Variants in OTOGL observed in about 807,000 individuals in gnomAD.
OTOGL encodes otogelin-like protein.
OTOGL carries 285 observed loss-of-function variants against 318.5 expected under a neutral mutation model. That is an observed-to-expected ratio of 0.89 (90% CI 0.81 to 0.99). The LOEUF (loss-of-function observed/expected upper bound fraction) is 0.99, where lower values mean the gene tolerates loss of function less well. Among genes scored for constraint, OTOGL ranks in the 50% least tolerant of loss-of-function variants. The pLI, the probability that OTOGL is intolerant of heterozygous loss-of-function variation, is 0.00. For missense variants in OTOGL, 2,899 were observed against 2,845.6 expected, an observed-to-expected ratio of 1.02 and a Z score of -0.43; for synonymous variants, 987 against 936.5, an observed-to-expected ratio of 1.05 and a Z score of -0.99.
intron 26 of OTOGL, among the ~76,000 whole-genome samples, chr12:80,286,851 A>AT (rs1338060967): frequency 2.0e-5 from 3 of 152,036 alleles, no homozygotes; most frequent in East Asian, 1.9e-4. Context: ...GGATTCATTG[A>AT]TTTTTTGAAG....
chr12:80,116,700 G>A (rs1182893175), intron 1 of OTOGL, among the ~76,000 whole-genome samples: 1 of 152,140 alleles, frequency 6.6e-6, no homozygotes, highest in Non-Finnish European at 1.5e-5. Context: ...AGAATGAGAC[G>A]AGGAAGAAAG....
Position 80,210,863 on chromosome 12 carries a change from G to T in OTOGL, c.96G>T (p.Ser32=). The T allele has an allele frequency of 6.8e-7, 1 of 1,472,612 alleles. No homozygotes were observed. Among genetic ancestry groups the T allele is most frequent in the Non-Finnish European group, 9.0e-7 (1 of 1,107,210 alleles). 91.2% of individuals were successfully genotyped at this position (1,472,612 alleles called of 1,614,324 possible). ...LFSLQEYICA[S]SILMGTSKNG... Reference sequence around the variant, plus strand: ...CTCTGGCAGAATATATTTGTGCATCGTCTATATTGATGGGAACATCAAAGT... The same window carrying T: ...CTCTGGCAGAATATATTTGTGCATCTTCTATATTGATGGGAACATCAAAGT... The change falls in exon 3 of 59, where the codon TCG becomes TCT. Residue 32 remains serine (S), a synonymous_variant. Coordinates refer to ENST00000547103, the MANE Select transcript of OTOGL (RefSeq NM_001378609.3).
chr12:80,256,414 G>A lies in OTOGL; in HGVS notation c.1665G>A (p.Arg555=). 1 of 1,591,332 alleles carries A rather than the reference G, an allele frequency of 6.3e-7. No individual in the cohort carries two copies. Among genetic ancestry groups the A allele is most frequent in the Non-Finnish European group, 8.5e-7 (1 of 1,175,618 alleles). The change falls in exon 17 of 59, where the codon AGG becomes AGA. Residue 555 remains arginine, a synonymous_variant. Coordinates refer to ENST00000547103, the MANE Select transcript of OTOGL (RefSeq NM_001378609.3). ...DDFNKQVTLG[R]GGQILTSPNQ... ...TTAACAAACAAGTGACCCTTGGTAGGGGAGGACAAATTCTCACTAGTCCTA... is the reference window on the plus strand; with the variant it reads ...TTAACAAACAAGTGACCCTTGGTAGAGGAGGACAAATTCTCACTAGTCCTA...
chr12:80,158,364 A>G (rs1432685169), intron 1 of OTOGL, among the ~76,000 whole-genome samples: 1 of 152,224 alleles, frequency 6.6e-6, no homozygotes, highest in East Asian at 1.9e-4. Context: ...ATGTGTGTAT[A>G]TAAATTCCAA....
At chr12:80,125,068 T>A (rs9668975) in intron 1 of OTOGL, among the ~76,000 whole-genome samples, 1 of 152,000 alleles carries the variant, frequency 6.6e-6, no homozygotes. Flanking sequence ...AGACTTCCAA[T>A]AGTATATTGA....
intron 11 of OTOGL, among the ~76,000 whole-genome samples, chr12:80,240,009 TA>T (rs1250329222): frequency 1.3e-5 from 2 of 152,140 alleles, no homozygotes; most frequent in African/African-American, 4.8e-5. Flanking sequence ...TTATTTCACT[TA>T]ACATAGTGAC....
In OTOGL at chr12:80,239,112, T is replaced by C. The variant is rs1394300640; in HGVS notation, c.945+134T>C. 3 of 1,159,158 alleles carry C rather than the reference T, an allele frequency of 2.6e-6. No homozygotes were observed. In the East Asian group the frequency reaches 8.4e-5, roughly 32 times the overall value. 71.8% of individuals were successfully genotyped at this position (1,159,158 alleles called of 1,614,324 possible). A position where few individuals can be genotyped will look rare whatever the true frequency, so the allele number is the denominator to read the frequency against. ...TTATATCCAGGAAATGTAATTGCAA[T>C]AGGAAATCACCTTAATTTTAGAAAT... On this transcript the variant is annotated intron_variant, in intron 10 of 58. Coordinates refer to ENST00000547103, the MANE Select transcript of OTOGL (RefSeq NM_001378609.3).
At chr12:80,112,721 T>G (rs1195495884) in intron 1 of OTOGL, among the ~76,000 whole-genome samples, 2 of 151,342 alleles carry the variant, frequency 1.3e-5, no homozygotes, top group African/African-American at 4.9e-5. Flanking sequence ...TTTTTTTTTT[T>G]TTGTTGTGTC....
intron 26 of OTOGL, among the ~76,000 whole-genome samples, chr12:80,286,401 G>C (rs190276782): frequency 6.6e-6 from 1 of 152,176 alleles, no homozygotes; most frequent in Non-Finnish European, 1.5e-5. Context: ...ATGAGTTAGG[G>C]AGTAGTCCCT....
chr12:80,123,038 T>C (rs1204882588), intron 1 of OTOGL, among the ~76,000 whole-genome samples: 1 of 152,060 alleles, frequency 6.6e-6, no homozygotes, highest in Non-Finnish European at 1.5e-5. Context: ...TCTTTTCTTT[T>C]TTTTTTTAAT....
intron 1 of OTOGL, among the ~76,000 whole-genome samples, chr12:80,176,181 G>T (rs1329694293): frequency 6.6e-6 from 1 of 152,184 alleles, no homozygotes; most frequent in Non-Finnish European, 1.5e-5. Context: ...TGCATTTGCT[G>T]ATGTCCATTT....
At chr12:80,351,270 G>A (rs1889525073) in intron 44 of OTOGL, among the ~76,000 whole-genome samples, 1 of 151,068 alleles carries the variant, frequency 6.6e-6, no homozygotes, top group Non-Finnish European at 1.5e-5. Flanking sequence ...AGGCCTAAAT[G>A]TCTGTTTTCT....
At chr12:80,237,006 G>A (rs1879923697) in intron 9 of OTOGL, among the ~76,000 whole-genome samples, 1 of 151,368 alleles carries the variant, frequency 6.6e-6, no homozygotes. Flanking sequence ...TTAGAGATGG[G>A]GTTTCACCGT....
chr12:80,337,168 T>A (rs1384042603), intron 42 of OTOGL, among the ~76,000 whole-genome samples, 164 bp downstream of exon 42: 1 of 152,112 alleles, frequency 6.6e-6, no homozygotes, highest in Non-Finnish European at 1.5e-5. Context: ...ATATTATATT[T>A]GTCTCTCAAT....
intron 13 of OTOGL, among the ~76,000 whole-genome samples, chr12:80,252,827 G>T (rs1226971842): frequency 1.3e-5 from 2 of 152,130 alleles, no homozygotes; most frequent in Non-Finnish European, 2.9e-5. Flanking sequence ...TCAAAGTATG[G>T]CGGACCAGTG....
intron 27 of OTOGL, among the ~76,000 whole-genome samples, chr12:80,300,449 C>G (rs545284038): frequency 6.6e-6 from 1 of 152,190 alleles, no homozygotes; most frequent in African/African-American, 2.4e-5. Context: ...ATTGGGCGGA[C>G]AGCAGGAGAT....
intron 56 of OTOGL, among the ~76,000 whole-genome samples, chr12:80,371,014 C>T (rs780870554): frequency 2.0e-5 from 3 of 151,966 alleles, no homozygotes; most frequent in Admixed American, 6.6e-5. Flanking sequence ...AGAGCTTGGC[C>T]AATTTTCTTT....
intron 1 of OTOGL, among the ~76,000 whole-genome samples, chr12:80,116,727 T>A (rs7962042): frequency 0.55 from 84,276 of 151,982 alleles, 23,553 homozygotes; most frequent in Middle Eastern, 0.59. Flanking sequence ...CAAATGAGGA[T>A]ATATTCTGAG....
At chr12:80,323,086 T>G (rs1005492842) in intron 34 of OTOGL, among the ~76,000 whole-genome samples, 1 of 146,096 alleles carries the variant, frequency 6.8e-6, no homozygotes, top group South Asian at 2.2e-4. Context: ...TGAAGACAGA[T>G]GAAAACCCAC....
Sources: allele counts gnomAD v4.1 joint callset (sites outside exome capture counted in the v4.1 genomes callset), GRCh38; gene constraint gnomAD v4.1.1; transcripts MANE v1.5; gene names NCBI Gene and HGNC (gene_info 2026-07-23, HGNC 2026-07-21).